FSIP2: variants seen among roughly 807,000 people sequenced by gnomAD.
FSIP2 encodes fibrous sheath interacting protein 2.
A neutral mutation model predicts 510.5 loss-of-function variants in FSIP2; 367 were observed. The observed-to-expected ratio is 0.72, with a 90% confidence interval of 0.66 to 0.78. FSIP2 has a LOEUF of 0.78. FSIP2 is among the 30% of genes least tolerant of loss of function. The pLI, the probability that FSIP2 is intolerant of heterozygous loss-of-function variation, is 0.00. For missense variants in FSIP2, 7,594 were observed against 7,901.7 expected, an observed-to-expected ratio of 0.96 and a Z score of 1.48; for synonymous variants, 2,601 against 2,732.2, an observed-to-expected ratio of 0.95 and a Z score of 1.50.
At chr2:185,784,118 A>G (rs943411842) in intron 14 of FSIP2, 27 of 152,134 alleles carry the variant, frequency 1.8e-4, no homozygotes. Flanking sequence ...CTTATTGCTT[A>G]GTCTTCTTGT....
chr2:185,811,287 T>A (rs1031073878), intron 17 of FSIP2, among the ~76,000 whole-genome samples: 2 of 151,746 alleles, frequency 1.3e-5, no homozygotes, highest in Non-Finnish European at 2.9e-5. Flanking sequence ...GCCAACATGA[T>A]CTCCAACTCC....
At chr2:185,824,960 G>C (rs1341510468) in intron 20 of FSIP2, among the ~76,000 whole-genome samples, 1 of 151,326 alleles carries the variant, frequency 6.6e-6, no homozygotes, top group African/African-American at 2.4e-5. Context: ...TGGCTCCTTA[G>C]AAAATTTGTA....
intron 13 of FSIP2, among the ~76,000 whole-genome samples, chr2:185,769,475 A>T (rs1032928559): frequency 4.6e-5 from 7 of 150,936 alleles, no homozygotes; most frequent in Non-Finnish European, 1.0e-4. Context: ...TTTTAATGGA[A>T]TTTTTTTTCT....
At position 185,790,500 on chromosome 2, in the gene FSIP2, T is replaced by C; in HGVS notation, c.3364T>C (p.Ser1122Pro). 1 of 1,534,228 alleles carries C rather than the reference T, an allele frequency of 6.5e-7. No homozygotes were observed. The highest frequency in any genetic ancestry group is 8.7e-7 in the Non-Finnish European group (1 of 1,145,654). ...SILKEMLKDI[S>P]SVPFGHLDSK... ...TTTAAAGGAAATGCTCAAGGACATA[T>C]CTTCCGTTCCTTTTGGTCACTTAGA... Residue 1122 changes from serine (S) to proline (P), a missense_variant, in exon 16 of 23, where the codon TCT becomes CCT. Transcript: ENST00000424728.
intron 19 of FSIP2, among the ~76,000 whole-genome samples, chr2:185,816,995 A>C (rs1693840306): frequency 7.2e-6 from 1 of 138,092 alleles, no homozygotes; most frequent in Non-Finnish European, 1.6e-5. Context: ...GAAGGGAAGA[A>C]GGGGAGGGAG....
intron 22 of FSIP2, among the ~76,000 whole-genome samples, chr2:185,832,395 C>A (rs1033130451): frequency 1.3e-5 from 2 of 151,820 alleles, no homozygotes; most frequent in Non-Finnish European, 2.9e-5. Context: ...CAATCACTGG[C>A]ATGCTAGATT....
At chr2:185,786,912 C>T (rs2105605021) in intron 15 of FSIP2, among the ~76,000 whole-genome samples, 1 of 151,840 alleles carries the variant, frequency 6.6e-6, no homozygotes, top group South Asian at 2.1e-4. Context: ...GAATTTTTTT[C>T]AGCTTAATGT....
intron 20 of FSIP2, 121 bp from the exon 21 acceptor site, chr2:185,828,035 T>C: frequency 1.7e-6 from 1 of 596,602 alleles, no homozygotes. Context: ...AACAACTTCT[T>C]CGACCTGCCT....
At position 185,764,583 on chromosome 2, in the gene FSIP2, T is replaced by C. The variant is rs1362844458; in HGVS notation, c.1411+18T>C. On this transcript the variant is annotated intron_variant, in intron 13 of 22. Coordinates refer to ENST00000424728, the MANE Select transcript of FSIP2 (RefSeq NM_173651.4). ...CGAATCAGGTAAATATCAGCAGTAA[T>C]TATTGAGTAAATCTTGCATTCTATT... 23 of 1,468,288 alleles carry C rather than the reference T, an allele frequency of 1.6e-5. No homozygotes were observed. The highest frequency in any genetic ancestry group is 1.7e-5 in the Non-Finnish European group (19 of 1,088,244). 91.0% of individuals were successfully genotyped at this position (1,468,288 alleles called of 1,614,324 possible). A position where few individuals can be genotyped will look rare whatever the true frequency, so the allele number is the denominator to read the frequency against.
chr2:185,828,109 T>C (rs1393159196), intron 20 of FSIP2, 47 bp from the exon 21 acceptor site: 8 of 1,007,706 alleles, frequency 7.9e-6, no homozygotes, highest in Non-Finnish European at 1.2e-5. Context: ...CAAATATACA[T>C]GCCTCAGAAA....
rs1693498242 is a variant in FSIP2 at position 185,803,799 on chromosome 2, T to A, written c.14493T>A (p.Asn4831Lys). Residue 4831 changes from asparagine to lysine, a missense_variant, in exon 17 of 23, where the codon AAT becomes AAA. Asn to Lys is a moderately conservative substitution (Grantham distance 94). Transcript: ENST00000424728. ...GTAATACAGTGATAAAACTGATAAA[T>A]GAAATTATGTCAATAATTTCAAAAC... ...DLSNTVIKLINEIMSIISKHE... is the reference protein window; with the variant it reads ...DLSNTVIKLIKEIMSIISKHE... 15 of 1,516,086 alleles carry A rather than the reference T, an allele frequency of 9.9e-6. No individual in the cohort carries two copies. Among genetic ancestry groups the A allele is most frequent in the Non-Finnish European group, 1.3e-5 (15 of 1,136,012 alleles). The allele number at this position is 1,516,086 out of a possible 1,614,324, so 93.9% of individuals were successfully genotyped here. A position where few individuals can be genotyped will look rare whatever the true frequency, so the allele number is the denominator to read the frequency against.
chr2:185,739,228 C>A, intron 1 of FSIP2, 118 bp from the exon 2 acceptor site: 1 of 1,228,836 alleles, frequency 8.1e-7, no homozygotes, highest in Non-Finnish European at 1.1e-6. Context: ...CTTCAGGATG[C>A]CCCGAACCCT....
At position 185,789,426 on chromosome 2, in the gene FSIP2, G is replaced by A. The variant is rs1382615181; in HGVS notation, c.2290G>A (p.Glu764Lys). ...TTCTGAGATTGTGGAAAATATGCTT[G>A]AGAAGTTAGAGTCTGCAGTTGAGAA... is the stretch of plus-strand genomic sequence containing the variant. Reference protein sequence around the residue: ...VASEIVENMLEKLESAVEKKC... With the variant: ...VASEIVENMLKKLESAVEKKC... Residue 764 changes from glutamate (E) to lysine (K), a missense_variant, in exon 16 of 23, where the codon GAG (glutamate) becomes AAG (lysine). Coordinates refer to ENST00000424728, the MANE Select transcript of FSIP2 (RefSeq NM_173651.4). The A allele has an allele frequency of 6.5e-7, 1 of 1,534,834 alleles. No individual in the cohort carries two copies. Among genetic ancestry groups the A allele is most frequent in the Non-Finnish European group, 8.7e-7 (1 of 1,145,912 alleles).
intron 14 of FSIP2, chr2:185,783,566 T>C (rs1275532651): frequency 6.6e-6 from 1 of 152,144 alleles, no homozygotes; most frequent in Non-Finnish European, 1.5e-5. Flanking sequence ...AATTTTTACT[T>C]TAAGACTGAT....
intron 5 of FSIP2, among the ~76,000 whole-genome samples, chr2:185,746,090 C>T (rs1305334610): frequency 1.3e-5 from 2 of 151,998 alleles, no homozygotes; most frequent in African/African-American, 4.8e-5. Context: ...TTTTCCTTCA[C>T]TAGGGATGCA....
intron 20 of FSIP2, among the ~76,000 whole-genome samples, chr2:185,825,811 G>A (rs138814069): frequency 1.7e-4 from 26 of 151,850 alleles, no homozygotes; most frequent in African/African-American, 6.0e-4. Flanking sequence ...TGCTCTCACA[G>A]AATTTACACT....
chr2:185,756,242 C>G lies in FSIP2; in HGVS notation c.1042C>G (p.Pro348Ala). ...KTSEDIMLVY[P>A]AGDQNTYKET... The stretch of plus-strand genomic sequence containing the variant: ...TTCTGAAGATATAATGTTAGTTTAT[C>G]CTGCTGGAGACCAGAATACATATAA... The change falls in exon 9 of 23, where the codon CCT (proline) becomes GCT (alanine). Residue 348 changes from proline to alanine, a missense_variant. Transcript: ENST00000424728. 1 of 1,347,116 alleles carries G rather than the reference C, an allele frequency of 7.4e-7. No homozygotes were observed. The highest frequency in any genetic ancestry group is 1.0e-6 in the Non-Finnish European group (1 of 993,906). 83.4% of individuals were successfully genotyped at this position (1,347,116 alleles called of 1,614,324 possible). A position where few individuals can be genotyped will look rare whatever the true frequency, so the allele number is the denominator to read the frequency against.
Position 185,789,908 on chromosome 2 carries a change from A to C in FSIP2, c.2772A>C (p.Arg924Ser). 1 of 1,532,194 alleles carries C rather than the reference A, an allele frequency of 6.5e-7. No individual in the cohort carries two copies. 94.9% of individuals were successfully genotyped at this position (1,532,194 alleles called of 1,614,324 possible). A position where few individuals can be genotyped will look rare whatever the true frequency, so the allele number is the denominator to read the frequency against. ...TACAAACTGAACTAAATAATGAGAG[A>C]ATTATTGCATCTGAAGAAACCGTAG... ...GYIQTELNNE[R>S]IIASEETVVL... is the part of the protein sequence containing the mutation. The change falls in exon 16 of 23, where the codon AGA becomes AGC. Residue 924 changes from arginine (R) to serine (S), a missense_variant. Physicochemically the swap from Arg to Ser is moderately radical, Grantham distance 110. Transcript: ENST00000424728.
Position 185,796,085 on chromosome 2 carries a change from C to T in FSIP2, c.8949C>T (p.Gly2983=), listed in dbSNP as rs1415735661. Residue 2983 remains glycine (G), a synonymous_variant, in exon 16 of 23, where the codon GGC becomes GGT. Transcript: ENST00000424728. ...NTKTKDQISV[G]SSNQIVQEIV... is the part of the protein sequence containing the mutation. ...AGACAAAAGACCAAATTTCTGTGGG[C>T]TCCAGCAACCAAATTGTTCAAGAGA... The T allele has an allele frequency of 1.3e-6, 2 of 1,532,796 alleles. No homozygotes were observed. Among genetic ancestry groups the T allele is most frequent in the South Asian group, 1.2e-5 (1 of 83,220 alleles). 94.9% of individuals were successfully genotyped at this position (1,532,796 alleles called of 1,614,324 possible). A position where few individuals can be genotyped will look rare whatever the true frequency, so the allele number is the denominator to read the frequency against.
Sources: gnomAD v4.1 joint callset for allele counts (sites outside exome capture counted in the v4.1 genomes callset) on GRCh38, gnomAD v4.1.1 for gene constraint, MANE v1.5 for transcripts, NCBI Gene and HGNC (gene_info 2026-07-23, HGNC 2026-07-21) for gene names.